The following LRCH1 variants were observed in gnomAD, a reference collection of about 807,000 sequenced individuals.
LRCH1 encodes leucine-rich repeat and calponin homology domain-containing protein 1.
LRCH1 carries 23 observed loss-of-function variants against 94.9 expected under a neutral mutation model. That is an observed-to-expected ratio of 0.24 (90% CI 0.17 to 0.34). The LOEUF is 0.34. LRCH1 is among the 10% of genes least tolerant of loss of function. The pLI is 1.00. For synonymous variants in LRCH1, 364 were observed against 354.9 expected (o/e 1.03, Z -0.29); for missense variants, 790 against 945.9 (o/e 0.84, Z 2.16).
intron 3 of LRCH1, among the ~76,000 whole-genome samples, chr13:46,675,476 C>T (rs936641164): frequency 5.3e-5 from 8 of 152,160 alleles, no homozygotes; most frequent in African/African-American, 1.9e-4. Context: ...AATCAAAAAT[C>T]TCACAAGGCC....
At chr13:46,604,411 T>G (rs1008666660) in intron 1 of LRCH1, among the ~76,000 whole-genome samples, 1 of 152,164 alleles carries the variant, frequency 6.6e-6, no homozygotes, top group Admixed American at 6.5e-5. Flanking sequence ...CTCCCTGTAG[T>G]CACTTAGAAT....
intron 1 of LRCH1, among the ~76,000 whole-genome samples, chr13:46,617,553 T>C (rs1232868576): frequency 6.6e-6 from 1 of 152,244 alleles, no homozygotes; most frequent in Non-Finnish European, 1.5e-5. Context: ...CTTGTAACCA[T>C]GAACAAGGTT....
chr13:46,577,861 T>G (rs1267620544), intron 1 of LRCH1, among the ~76,000 whole-genome samples: 1 of 152,220 alleles, frequency 6.6e-6, no homozygotes, highest in Admixed American at 6.5e-5. Context: ...CCCTCCAGAC[T>G]GCTGTCATTT....
chr13:46,646,804 C>T (rs1594312432), intron 1 of LRCH1, among the ~76,000 whole-genome samples: 1 of 152,080 alleles, frequency 6.6e-6, no homozygotes, highest in African/African-American at 2.4e-5. Flanking sequence ...TATTTGCTTT[C>T]CATCTTTTGC....
At chr13:46,570,535 G>A (rs994799841) in intron 1 of LRCH1, among the ~76,000 whole-genome samples, 2 of 152,184 alleles carry the variant, frequency 1.3e-5, no homozygotes, top group East Asian at 1.9e-4. Flanking sequence ...GCTCCACTGC[G>A]TGCATGAGGA....
chr13:46,726,818 G>T (rs902144064), intron 17 of LRCH1, among the ~76,000 whole-genome samples: 1 of 136,636 alleles, frequency 7.3e-6, no homozygotes, highest in African/African-American at 2.7e-5. Context: ...TTCACCTGGC[G>T]GTAACAAGAT....
chr13:46,615,713 T>C (rs991475371), intron 1 of LRCH1, among the ~76,000 whole-genome samples: 1 of 152,202 alleles, frequency 6.6e-6, no homozygotes, highest in Non-Finnish European at 1.5e-5. Context: ...TCGTAATGTT[T>C]TTGTCCCCAA....
chr13:46,653,621 T>C (rs1382990046), intron 2 of LRCH1, among the ~76,000 whole-genome samples: 1 of 152,046 alleles, frequency 6.6e-6, no homozygotes, highest in African/African-American at 2.4e-5. Flanking sequence ...GCCCAGGAGT[T>C]CGTGACCAGC....
In LRCH1 at chr13:46,744,053, T is replaced by C. The variant is rs1385312050; in HGVS notation, c.*2205T>C. The C allele has an allele frequency of 8.1e-6, 8 of 985,290 alleles. No individual in the cohort carries two copies. The highest frequency in any genetic ancestry group is 9.6e-6 in the Non-Finnish European group (8 of 829,930). The allele number at this position is 985,290 out of a possible 1,614,324, so 61.0% of individuals were successfully genotyped here. ...TTAATTTAGTCCTTTAGGCAAAAAT[T>C]TGAATGAACTGTTCTGTCCATTGCC... On this transcript the variant is annotated 3_prime_UTR_variant, in exon 20 of 20. Coordinates refer to ENST00000389797, the MANE Select transcript of LRCH1 (RefSeq NM_001164211.2).
chr13:46,667,062 C>T (rs2051526631), intron 2 of LRCH1, among the ~76,000 whole-genome samples: 1 of 152,164 alleles, frequency 6.6e-6, no homozygotes, highest in Admixed American at 6.5e-5. Context: ...CAGGAACCTA[C>T]CAGGAGGGCA....
intron 1 of LRCH1, among the ~76,000 whole-genome samples, chr13:46,594,533 A>G (rs1397171248): frequency 6.6e-6 from 1 of 151,992 alleles, no homozygotes; most frequent in Non-Finnish European, 1.5e-5. Context: ...GCACCAAATC[A>G]GGCCACCTCC....
intron 3 of LRCH1, among the ~76,000 whole-genome samples, chr13:46,670,104 A>G (rs1337656162): frequency 1.3e-5 from 2 of 152,238 alleles, no homozygotes; most frequent in African/African-American, 4.8e-5. Flanking sequence ...GGATTGGGCT[A>G]GGAGAGTGAT....
chr13:46,704,928 CAT>C (rs1400809223), intron 11 of LRCH1, 138 bp from the exon 12 acceptor site: 5 of 527,116 alleles, frequency 9.5e-6, no homozygotes, highest in Non-Finnish European at 1.7e-5. Flanking sequence ...AAATTTCTGT[CAT>C]AAACTTTTCC....
chr13:46,752,606 G>A (rs1367332470), exon 19 of LRCH1: 1 of 152,212 alleles, frequency 6.6e-6, no homozygotes, highest in African/African-American at 2.4e-5. Context: ...TGGACAAAGA[G>A]TGTATACAAT....
chr13:46,691,629 T>C (rs1374379200), intron 7 of LRCH1, among the ~76,000 whole-genome samples: 2 of 152,206 alleles, frequency 1.3e-5, no homozygotes, highest in African/African-American at 4.8e-5. Context: ...TCCTGTCACA[T>C]GGTGACAGCC....
intron 4 of LRCH1, among the ~76,000 whole-genome samples, chr13:46,684,430 C>G (rs1240817008): frequency 6.6e-6 from 1 of 152,144 alleles, no homozygotes; most frequent in Non-Finnish European, 1.5e-5. Context: ...TAAGTTTTCT[C>G]CTGCTATGTT....
At chr13:46,637,113 C>G (rs997051214) in intron 1 of LRCH1, among the ~76,000 whole-genome samples, 3 of 152,240 alleles carry the variant, frequency 2.0e-5, no homozygotes, top group Non-Finnish European at 4.4e-5. Context: ...CTTCCAATTT[C>G]TGAGGCCAAA....
At chr13:46,627,620 C>CT (rs1451267175) in intron 1 of LRCH1, among the ~76,000 whole-genome samples, 2 of 152,132 alleles carry the variant, frequency 1.3e-5, no homozygotes. Context: ...CCTGGTCCAC[C>CT]TACCTTAGTG....
chr13:46,673,812 C>T (rs1041978918), intron 3 of LRCH1, among the ~76,000 whole-genome samples: 2 of 135,414 alleles, frequency 1.5e-5, no homozygotes, highest in Non-Finnish European at 3.2e-5. Context: ...TGGAGTGCAG[C>T]GGCTGTCGCC....
Sources: gnomAD v4.1 joint callset for allele counts (sites outside exome capture counted in the v4.1 genomes callset) on GRCh38, gnomAD v4.1.1 for gene constraint, MANE v1.5 for transcripts, NCBI Gene and HGNC (gene_info 2026-07-23, HGNC 2026-07-21) for gene names.